Variants in RARB observed in about 807,000 individuals in gnomAD.
RARB encodes HBV-activated protein.
Under a neutral mutation model 51.9 loss-of-function variants are expected in RARB, and 17 were observed. The ratio of observed to expected loss-of-function variants is 0.33; its 90% CI spans 0.22 to 0.49. RARB has a LOEUF of 0.49. Ranked by LOEUF, RARB falls within the 20% of genes least tolerant of loss-of-function variation. RARB has a pLI of 0.99. For synonymous variants in RARB, 215 were observed against 195.4 expected, an observed-to-expected ratio of 1.10 and a Z score of -0.84; for missense variants, 369 against 550.8, an observed-to-expected ratio of 0.67 and a Z score of 3.30.
At chr3:25,445,910 G>C (rs143669103) in intron 1 of RARB, among the ~76,000 whole-genome samples, 1 of 152,306 alleles carries the variant, frequency 6.6e-6, no homozygotes, top group African/African-American at 2.4e-5. Context: ...ATGACCATGA[G>C]AGTGCATTTC....
intron 2 of RARB, among the ~76,000 whole-genome samples, chr3:25,031,974 T>TAAAGGCAAAC (rs1697885907): frequency 6.6e-6 from 1 of 152,174 alleles, no homozygotes; most frequent in Admixed American, 6.6e-5. Flanking sequence ...GAGTTGATAA[T>TAAAGGCAAAC]TTATTATTCC....
intron 1 of RARB, among the ~76,000 whole-genome samples, chr3:24,844,692 G>A (rs886632573): frequency 1.3e-5 from 2 of 152,180 alleles, no homozygotes; most frequent in East Asian, 3.9e-4. Context: ...ATAAGATTGT[G>A]ATAAATATAT....
intron 1 of RARB, among the ~76,000 whole-genome samples, chr3:25,443,809 T>G (rs1417537892): frequency 6.6e-6 from 1 of 151,148 alleles, no homozygotes; most frequent in Non-Finnish European, 1.5e-5. Flanking sequence ...TGGGTGCCTG[T>G]AATCCCAGCT....
At chr3:25,017,220 C>T (rs28664970) in intron 2 of RARB, among the ~76,000 whole-genome samples, 4 of 149,246 alleles carry the variant, frequency 2.7e-5, no homozygotes, top group South Asian at 2.1e-4. Flanking sequence ...TTTCCCCCCC[C>T]CTTTCAGAAC....
intron 2 of RARB, among the ~76,000 whole-genome samples, chr3:25,017,486 G>T (rs1697538518): frequency 6.6e-6 from 1 of 152,116 alleles, no homozygotes; most frequent in Non-Finnish European, 1.5e-5. Flanking sequence ...TTCCCCTGGA[G>T]CATTGGCTTA....
At chr3:25,114,529 A>G (rs2125326553) in intron 3 of RARB, among the ~76,000 whole-genome samples, 1 of 152,336 alleles carries the variant, frequency 6.6e-6, no homozygotes, top group Non-Finnish European at 1.5e-5. Flanking sequence ...CGATTGTAAG[A>G]AAAACTTCCC....
chr3:24,984,881 A>C (rs1696754284), intron 2 of RARB, among the ~76,000 whole-genome samples: 2 of 152,222 alleles, frequency 1.3e-5, no homozygotes. Flanking sequence ...CGTAAGTTCC[A>C]AAAGCAATAG....
At chr3:25,575,707 C>T (rs1019204596) in intron 4 of RARB, among the ~76,000 whole-genome samples, 2 of 152,148 alleles carry the variant, frequency 1.3e-5, no homozygotes, top group Non-Finnish European at 2.9e-5. Flanking sequence ...GGCACCAAGT[C>T]ATACTGGATT....
intron 5 of RARB, among the ~76,000 whole-genome samples, chr3:25,232,749 A>G (rs990310349): frequency 6.6e-6 from 1 of 152,160 alleles, no homozygotes. Context: ...ATTCACATTT[A>G]GTAGAAACCG....
chr3:25,125,259 G>A (rs1354756167), intron 3 of RARB, among the ~76,000 whole-genome samples: 1 of 152,200 alleles, frequency 6.6e-6, no homozygotes, highest in African/African-American at 2.4e-5. Flanking sequence ...CAGTGGAGCA[G>A]AGAAAAGATT....
At chr3:25,059,057 T>C (rs893180425) in intron 2 of RARB, among the ~76,000 whole-genome samples, 28 of 151,776 alleles carry the variant, frequency 1.8e-4, no homozygotes, top group African/African-American at 6.8e-4. Flanking sequence ...TATTTATACA[T>C]GTGCATTAGT....
At chr3:25,008,184 C>T (rs938183565) in intron 2 of RARB, among the ~76,000 whole-genome samples, 9 of 152,068 alleles carry the variant, frequency 5.9e-5, no homozygotes, top group Admixed American at 2.0e-4. Flanking sequence ...TTGGGCAGTT[C>T]AGAGTTTTCA....
At chr3:24,906,166 G>A (rs940750092) in intron 2 of RARB, among the ~76,000 whole-genome samples, 3 of 152,160 alleles carry the variant, frequency 2.0e-5, no homozygotes, top group South Asian at 2.1e-4. Context: ...AGGGGATGTC[G>A]TGGCCACATT....
intron 5 of RARB, among the ~76,000 whole-genome samples, chr3:25,350,470 G>T (rs1200419443): frequency 6.6e-6 from 1 of 152,138 alleles, no homozygotes; most frequent in African/African-American, 2.4e-5. Context: ...TGCTGAATAG[G>T]CATCTCTATT....
chr3:25,414,290 G>T (rs1022794065), intron 5 of RARB, among the ~76,000 whole-genome samples: 2 of 152,128 alleles, frequency 1.3e-5, no homozygotes, highest in African/African-American at 2.4e-5. Context: ...CCATTGTATG[G>T]ATATACCACA....
At chr3:25,373,723 G>A (rs920607893) in intron 5 of RARB, among the ~76,000 whole-genome samples, 1 of 152,116 alleles carries the variant, frequency 6.6e-6, no homozygotes, top group African/African-American at 2.4e-5. Context: ...CCATGGCGGG[G>A]AATGGACCAC....
intron 2 of RARB, among the ~76,000 whole-genome samples, chr3:25,003,917 G>A (rs1431388194): frequency 1.3e-5 from 2 of 152,162 alleles, no homozygotes; most frequent in South Asian, 2.1e-4. Context: ...TCCTGGCCAT[G>A]TGATTAACCT....
At chr3:25,182,674 G>C (rs1048552132) in intron 5 of RARB, among the ~76,000 whole-genome samples, 3 of 152,106 alleles carry the variant, frequency 2.0e-5, no homozygotes, top group African/African-American at 7.2e-5. Context: ...TGTGGTGTCA[G>C]GTTCTATCTC....
At chr3:25,257,171 T>C (rs1317216322) in intron 5 of RARB, among the ~76,000 whole-genome samples, 1 of 152,102 alleles carries the variant, frequency 6.6e-6, no homozygotes, top group Non-Finnish European at 1.5e-5. Flanking sequence ...CTCAGTAATG[T>C]GGTATGTCTG....
Sources: allele counts gnomAD v4.1 joint callset (sites outside exome capture counted in the v4.1 genomes callset), GRCh38; gene constraint gnomAD v4.1.1; transcripts MANE v1.5; gene names NCBI Gene and HGNC (gene_info 2026-07-23, HGNC 2026-07-21).